The following ANXA5 variants were observed in gnomAD, a reference collection of about 807,000 sequenced individuals.
ANXA5 encodes the protein annexin A5, also known as CBP-I.
ANXA5 carries 40 observed loss-of-function variants against 48.1 expected under a neutral mutation model. The ratio of observed to expected loss-of-function variants is 0.83; its 90% CI spans 0.65 to 1.08. The LOEUF (loss-of-function observed/expected upper bound fraction) is 1.08, where lower values mean the gene tolerates loss of function less well. Ranked by LOEUF, ANXA5 falls within the 50% of genes least tolerant of loss-of-function variation. ANXA5 has a pLI of 0.00. For missense variants in ANXA5, 357 were observed against 376.8 expected (o/e 0.95, Z 0.44); for synonymous variants, 113 against 129.1 (o/e 0.88, Z 0.85).
intron 4 of ANXA5, 50 bp from the exon 5 acceptor site, chr4:121,683,527 A>G (rs1344270998): frequency 1.9e-6 from 2 of 1,076,162 alleles, no homozygotes; most frequent in Non-Finnish European, 1.4e-6. Flanking sequence ...TTGTAATAAG[A>G]TTCTTCTTAA....
intron 10 of ANXA5, among the ~76,000 whole-genome samples, chr4:121,670,884 G>C (rs1724601114): frequency 6.6e-6 from 1 of 152,102 alleles, no homozygotes; most frequent in South Asian, 2.1e-4. Flanking sequence ...GAGCACAAAA[G>C]TGTGAGCTCA....
chr4:121,670,829 A>G (rs997567840), intron 10 of ANXA5, among the ~76,000 whole-genome samples: 8 of 152,198 alleles, frequency 5.3e-5, no homozygotes, highest in Admixed American at 2.0e-4. Flanking sequence ...GGCTACTTTT[A>G]GAGTTGGTTC....
intron 5 of ANXA5, among the ~76,000 whole-genome samples, chr4:121,682,507 G>C (rs1724810607): frequency 6.6e-6 from 1 of 151,980 alleles, no homozygotes; most frequent in Non-Finnish European, 1.5e-5. Context: ...AAAACCTAGA[G>C]TTCATTCTCT....
At chr4:121,687,525 C>T (rs984081247) in intron 2 of ANXA5, among the ~76,000 whole-genome samples, 21 of 152,138 alleles carry the variant, frequency 1.4e-4, no homozygotes, top group African/African-American at 4.6e-4. Context: ...TACAATCTTA[C>T]ATGTCTTATT....
chr4:121,695,530 C>T (rs765625841), intron 2 of ANXA5, among the ~76,000 whole-genome samples: 3 of 152,176 alleles, frequency 2.0e-5, no homozygotes, highest in Non-Finnish European at 4.4e-5. Context: ...AGTTTTTAAG[C>T]CCTGGTATCT....
intron 2 of ANXA5, among the ~76,000 whole-genome samples, chr4:121,693,472 G>A (rs1030225603): frequency 1.3e-5 from 2 of 152,116 alleles, no homozygotes; most frequent in Non-Finnish European, 2.9e-5. Context: ...TGTATTTCAG[G>A]AATGAATCTA....
In ANXA5 at chr4:121,670,074, A is replaced by G. The variant is rs1234833344; in HGVS notation, c.722-62T>C. The G allele has an allele frequency of 4.1e-6, 5 of 1,220,030 alleles. No homozygotes were observed. In the East Asian group the frequency reaches 1.2e-4, roughly 30 times the overall value. 75.6% of individuals were successfully genotyped at this position (1,220,030 alleles called of 1,614,324 possible). ...TTGATATGTAAAGGATTAAGTAATT[A>G]AAAATCAAGTGCTGCTTCCTGCTTA... On this transcript the variant is annotated intron_variant, in intron 10 of 12. Transcript: ENST00000296511.
intron 2 of ANXA5, among the ~76,000 whole-genome samples, chr4:121,688,033 T>C (rs1442988877): frequency 6.6e-6 from 1 of 152,188 alleles, no homozygotes; most frequent in Non-Finnish European, 1.5e-5. Context: ...CTTTGCGAGA[T>C]AATTAGAATT....
chr4:121,685,921 C>CA (rs1465842910), intron 3 of ANXA5, among the ~76,000 whole-genome samples: 1 of 152,090 alleles, frequency 6.6e-6, no homozygotes, highest in Non-Finnish European at 1.5e-5. Flanking sequence ...TGGTTTATAG[C>CA]AAGCTTGTCC....
chr4:121,678,140 T>C, intron 7 of ANXA5, 190 bp from the exon 8 acceptor site: 1 of 615,426 alleles, frequency 1.6e-6, no homozygotes, highest in Admixed American at 3.1e-5. Context: ...ACCCTACTGA[T>C]TTTAAATTCT....
rs543247319 is a variant in ANXA5 at position 121,684,743 on chromosome 4, C to T, written c.123G>A (p.Leu41=). Residue 41 remains leucine (L), a synonymous_variant, in exon 4 of 13, where the codon CTG becomes CTA. Transcript: ENST00000296511. ...LGTDEESILT[L]LTSRSNAQRQ... ...GCTGAGCATTACTTCGGGATGTCAA[C>T]AGAGTCAGGATGCTCTCCTCATCTG... The T allele has an allele frequency of 6.2e-7, 1 of 1,614,004 alleles. No individual in the cohort carries two copies. Among genetic ancestry groups the T allele is most frequent in the South Asian group, 1.1e-5 (1 of 91,074 alleles).
Position 121,684,719 on chromosome 4 carries a change from C to T in ANXA5, c.147G>A (p.Gln49=). The T allele has an allele frequency of 6.2e-7, 1 of 1,614,028 alleles. No homozygotes were observed. Among genetic ancestry groups the T allele is most frequent in the Non-Finnish European group, 8.5e-7 (1 of 1,179,960 alleles). Residue 49 remains glutamine, a synonymous_variant, in exon 4 of 13, where the codon CAG becomes CAA. Transcript: ENST00000296511. ...TAAAAGCTGCAGAGATTTCCTGGCG[C>T]TGAGCATTACTTCGGGATGTCAACA... The part of the protein sequence containing the change: ...LTLLTSRSNA[Q]RQEISAAFKT...
Position 121,670,014 on chromosome 4 carries a change from T to C in ANXA5, c.722-2A>G, listed in dbSNP as rs1431145025. ...CAGGTATACTTCGAATAGATTTCACTAAGAAAATAAACAATACAATGGTCA... is the reference window on the plus strand; with the variant it reads ...CAGGTATACTTCGAATAGATTTCACCAAGAAAATAAACAATACAATGGTCA... On this transcript the variant is annotated splice_acceptor_variant, in intron 10 of 12. Coordinates refer to ENST00000296511, the MANE Select transcript of ANXA5 (RefSeq NM_001154.4). LOFTEE classifies it high-confidence loss of function. 3.1e-6 allele frequency: 5 copies of C among 1,591,390 alleles called. No homozygotes were observed. Among genetic ancestry groups the C allele is most frequent in the Non-Finnish European group, 4.3e-6 (5 of 1,166,560 alleles).
intron 2 of ANXA5, among the ~76,000 whole-genome samples, chr4:121,689,699 C>T (rs1171769186): frequency 2.0e-5 from 3 of 152,014 alleles, no homozygotes; most frequent in Admixed American, 6.6e-5. Flanking sequence ...CTAAAATGTG[C>T]AGACCTCATC....
intron 2 of ANXA5, among the ~76,000 whole-genome samples, chr4:121,687,830 C>T (rs72676893): frequency 0.031 from 4,648 of 152,218 alleles, 113 homozygotes; most frequent in South Asian, 0.061. Context: ...TCCCCTGAGC[C>T]CTCTTCTCAA....
At chr4:121,679,320 C>A (rs942020934) in intron 6 of ANXA5, among the ~76,000 whole-genome samples, 1 of 152,126 alleles carries the variant, frequency 6.6e-6, no homozygotes, top group Non-Finnish European at 1.5e-5. Flanking sequence ...TATCACGTTT[C>A]TCCTGTCCCT....
At chr4:121,694,601 T>C (rs1315614688) in intron 2 of ANXA5, among the ~76,000 whole-genome samples, 1 of 152,160 alleles carries the variant, frequency 6.6e-6, no homozygotes, top group Admixed American at 6.5e-5. Flanking sequence ...GTTAGGCTGG[T>C]CTCGAACTCC....
intron 3 of ANXA5, among the ~76,000 whole-genome samples, chr4:121,686,063 A>G (rs1032435839): frequency 1.6e-5 from 2 of 127,070 alleles, no homozygotes; most frequent in Non-Finnish European, 3.4e-5. Context: ...AGCTATCATT[A>G]TTGTTAGTGT....
chr4:121,674,148 T>A (rs6843558), intron 8 of ANXA5, among the ~76,000 whole-genome samples: 9,269 of 135,932 alleles, frequency 0.068, 750 homozygotes, highest in African/African-American at 0.2. Flanking sequence ...GGCACTGCAC[T>A]CCAGCCTGGG....
Sources: gnomAD v4.1 joint callset for allele counts (sites outside exome capture counted in the v4.1 genomes callset) on GRCh38, gnomAD v4.1.1 for gene constraint, MANE v1.5 for transcripts, NCBI Gene and HGNC (gene_info 2026-07-23, HGNC 2026-07-21) for gene names.